The following NFIL3 variants were observed in gnomAD, a reference collection of about 807,000 sequenced individuals.
NFIL3 encodes the protein nuclear factor interleukin-3-regulated protein.
Under a neutral mutation model 10.0 loss-of-function variants are expected in NFIL3, and 5 were observed. The ratio of observed to expected loss-of-function variants is 0.50; its 90% CI spans 0.26 to 1.06. The LOEUF (loss-of-function observed/expected upper bound fraction) is 1.06, where lower values mean the gene tolerates loss of function less well. Among genes scored for constraint, NFIL3 ranks in the 50% least tolerant of loss-of-function variants. The pLI is 0.13. For missense variants in NFIL3, 436 were observed against 547.6 expected, an observed-to-expected ratio of 0.80 and a Z score of 2.03; for synonymous variants, 202 against 206.5, an observed-to-expected ratio of 0.98 and a Z score of 0.19.
At chr9:91,444,911 G>C in the NFIL3 span, among the ~76,000 whole-genome samples, 1 of 152,098 alleles carries the variant, frequency 6.6e-6, no homozygotes, top group Non-Finnish European at 1.5e-5. Context: ...AATGGTGCTG[G>C]GATCCAGGGC....
At chr9:91,455,509 T>G in the NFIL3 span, among the ~76,000 whole-genome samples, 1 of 152,228 alleles carries the variant, frequency 6.6e-6, no homozygotes, top group South Asian at 2.1e-4. Context: ...TTTGATGTCC[T>G]TTTGATAAGC....
chr9:91,449,313 C>T, the NFIL3 span, among the ~76,000 whole-genome samples: 1 of 152,008 alleles, frequency 6.6e-6, no homozygotes, highest in Non-Finnish European at 1.5e-5. Context: ...AGTTTTTTGC[C>T]ATAGAGTATA....
At chr9:91,421,586 CCGGCCCGCAGGAGGGAGCGGCGCACTG>C (rs1833770048) in intron 1 of NFIL3, among the ~76,000 whole-genome samples, 1 of 152,158 alleles carries the variant, frequency 6.6e-6, no homozygotes, top group Non-Finnish European at 1.5e-5. Flanking sequence ...GCAGACCCCA[CCGGCCCGCAGGAGGGAGCGGCGCACTG>C]GGGGCCGCAC....
chr9:91,475,803 G>A, the NFIL3 span, among the ~76,000 whole-genome samples: 2 of 152,284 alleles, frequency 1.3e-5, no homozygotes, highest in African/African-American at 2.4e-5. Context: ...CCATAAATAC[G>A]ATAATATAGA....
chr9:91,409,679 G>C lies in NFIL3; in HGVS notation c.1056C>G (p.Ser352=), dbSNP rs375881650. ...DNEFEATQKL[S]SPIDMTSKRH... ...TTTTAGATGTCATGTCAATAGGTGA[G>C]GAAAGTTTTTGCGTGGCCTCAAATT... The change falls in exon 2 of 2, where the codon TCC becomes TCG. Residue 352 remains serine (S), a synonymous_variant. Transcript: ENST00000297689. The C allele has an allele frequency of 6.2e-7, 1 of 1,614,072 alleles. No individual in the cohort carries two copies. The highest frequency in any genetic ancestry group is 1.3e-5 in the African/African-American group (1 of 74,934).
At chr9:91,444,055 T>C in the NFIL3 span, among the ~76,000 whole-genome samples, 1 of 152,358 alleles carries the variant, frequency 6.6e-6, no homozygotes, top group South Asian at 2.1e-4. Context: ...GAAAATTCCA[T>C]GTTGCAAGCA....
chr9:91,474,111 A>G, the NFIL3 span, among the ~76,000 whole-genome samples: 5 of 151,410 alleles, frequency 3.3e-5, no homozygotes, highest in East Asian at 7.8e-4. Flanking sequence ...TCAAGTTGAC[A>G]AAGGTCCCCT....
chr9:91,479,776 A>G, the NFIL3 span, among the ~76,000 whole-genome samples: 1 of 152,230 alleles, frequency 6.6e-6, no homozygotes, highest in African/African-American at 2.4e-5. Context: ...CCAGGGCCCT[A>G]GTGGCGTAGG....
the NFIL3 span, among the ~76,000 whole-genome samples, chr9:91,442,279 C>T: frequency 6.6e-6 from 1 of 152,236 alleles, no homozygotes; most frequent in African/African-American, 2.4e-5. Flanking sequence ...TCTTTCTTGG[C>T]TTACAAGGTT....
the NFIL3 span, among the ~76,000 whole-genome samples, chr9:91,463,443 T>C: frequency 6.6e-6 from 1 of 151,920 alleles, no homozygotes; most frequent in South Asian, 2.1e-4. Context: ...TTATTAAATA[T>C]TTTATCTTGA....
At chr9:91,416,442 T>C (rs1833658832) in intron 1 of NFIL3, among the ~76,000 whole-genome samples, 1 of 152,252 alleles carries the variant, frequency 6.6e-6, no homozygotes. Context: ...TTTTCCCTTA[T>C]GATTAATTTA....
Position 91,409,228 on chromosome 9 carries a change from T to C in NFIL3, c.*118A>G, listed in dbSNP as rs920221346. 6.5e-6 allele frequency: 6 copies of C among 927,170 alleles called. No homozygotes were observed. The African/African-American group carries it at 6.6e-5, about 10-fold the overall frequency. The allele number at this position is 927,170 out of a possible 1,614,324, so 57.4% of individuals were successfully genotyped here. On this transcript the variant is annotated 3_prime_UTR_variant, in exon 2 of 2. Coordinates refer to ENST00000297689, the MANE Select transcript of NFIL3 (RefSeq NM_005384.3). ...ACAAAAAGACACCAAACAGACAACA[T>C]GTGCACATCACAGTGAAATGACATC...
At chr9:91,429,149 G>T in the NFIL3 span, among the ~76,000 whole-genome samples, 11 of 152,182 alleles carry the variant, frequency 7.2e-5, no homozygotes, top group Non-Finnish European at 1.5e-4. Context: ...TCAAATCAAC[G>T]AAGTAAAGCT....
chr9:91,465,541 A>AT, the NFIL3 span, among the ~76,000 whole-genome samples: 1 of 151,808 alleles, frequency 6.6e-6, no homozygotes, highest in Admixed American at 6.6e-5. Flanking sequence ...AGCTCTTAAC[A>AT]TATTAATCAT....
At chr9:91,453,711 G>A in the NFIL3 span, among the ~76,000 whole-genome samples, 1 of 151,930 alleles carries the variant, frequency 6.6e-6, no homozygotes, top group Non-Finnish European at 1.5e-5. Context: ...TTAAAACATG[G>A]GAATAGGGTG....
intron 1 of NFIL3, among the ~76,000 whole-genome samples, chr9:91,415,018 A>C (rs1833626553): frequency 6.6e-6 from 1 of 152,232 alleles, no homozygotes; most frequent in Non-Finnish European, 1.5e-5. Context: ...AAGATATTTT[A>C]CTTATTAACA....
At chr9:91,425,078 C>T (rs1833856039), upstream of NFIL3, among the ~76,000 whole-genome samples, 1 of 152,182 alleles carries the variant, frequency 6.6e-6, no homozygotes, top group South Asian at 2.1e-4. Flanking sequence ...CACAGGCTTG[C>T]CCAAATACGG....
upstream of NFIL3, among the ~76,000 whole-genome samples, chr9:91,427,528 T>C (rs1209342533): frequency 2.6e-5 from 4 of 152,222 alleles, no homozygotes; most frequent in African/African-American, 9.6e-5. Context: ...CCATTTTCTT[T>C]CCACTGTAGT....
chr9:91,431,024 A>G, the NFIL3 span, among the ~76,000 whole-genome samples: 1 of 152,176 alleles, frequency 6.6e-6, no homozygotes, highest in African/African-American at 2.4e-5. Context: ...GTTGGTGACC[A>G]AGGGAACCTT....
Sources: allele counts gnomAD v4.1 joint callset (sites outside exome capture counted in the v4.1 genomes callset), GRCh38; gene constraint gnomAD v4.1.1; transcripts MANE v1.5; gene names NCBI Gene and HGNC (gene_info 2026-07-23, HGNC 2026-07-21).